Variants in ITPR3 observed in about 807,000 individuals in gnomAD.
ITPR3 encodes the protein inositol 1,4,5-trisphosphate-gated calcium channel ITPR3.
In ITPR3, 173 loss-of-function variants were observed where a neutral mutation model predicts 293.2. That is an observed-to-expected ratio of 0.59 (90% confidence interval 0.52 to 0.67). The LOEUF (loss-of-function observed/expected upper bound fraction) is 0.67, where lower values mean the gene tolerates loss of function less well. Ranked by LOEUF, ITPR3 falls within the 30% of genes least tolerant of loss-of-function variation. The pLI is 0.00. For missense variants in ITPR3, 2,796 were observed against 3,592.1 expected (o/e 0.78, Z 5.66); for synonymous variants, 1,295 against 1,444.4 (o/e 0.90, Z 2.35).
intron 7 of ITPR3, among the ~76,000 whole-genome samples, chr6:33,661,999 A>AAAAC: frequency 7.1e-6 from 1 of 141,528 alleles, no homozygotes; most frequent in Non-Finnish European, 1.5e-5. Context: ...TCTGAAAAAA[A>AAAAC]AAAAAAAAAA....
At chr6:33,681,451 C>G (rs1026548932) in intron 33 of ITPR3, among the ~76,000 whole-genome samples, 11 of 152,196 alleles carry the variant, frequency 7.2e-5, no homozygotes, top group African/African-American at 2.7e-4. Flanking sequence ...AGCAGAAGGG[C>G]TCCAGGCCAG....
chr6:33,638,038 C>T lies in ITPR3; in HGVS notation c.90-2446C>T, dbSNP rs777436436. On this transcript the variant is annotated intron_variant, in intron 1 of 57. Transcript: ENST00000605930. The surrounding 1 kb of genome is among the most constrained non-coding windows in gnomAD (Gnocchi z 4.3). ...TTGTTTTTGTTGAGATGAAGTCTTG[C>T]TCTTTCGCCCAGGCTGAAGTGCAGT... 1.8e-4 allele frequency among the ~76,000 whole-genome samples: 27 copies of T among 151,824 alleles called. No individual in the cohort carries two copies. The highest frequency in any genetic ancestry group is 2.5e-4 in the Non-Finnish European group (17 of 67,974).
intron 2 of ITPR3, 22 bp downstream of exon 2, chr6:33,640,576 C>T (rs752145136): frequency 3.2e-6 from 5 of 1,586,268 alleles, no homozygotes; most frequent in East Asian, 2.2e-5. Flanking sequence ...GCTTCCTCTG[C>T]CCCCGCCCCT....
chr6:33,631,156 T>C (rs1763669500), intron 1 of ITPR3, among the ~76,000 whole-genome samples: 1 of 152,176 alleles, frequency 6.6e-6, no homozygotes. Flanking sequence ...TGGCCAGTTG[T>C]AGGGTCTAGC....
chr6:33,686,363 A>G, intron 42 of ITPR3, 46 bp from the exon 43 acceptor site: 1 of 1,598,200 alleles, frequency 6.3e-7, no homozygotes, highest in Non-Finnish European at 8.6e-7. Context: ...AGCTGCCACT[A>G]TTCTGAGAGG....
rs908718454 is a variant in ITPR3, at chr6:33,658,572, G to A, written c.370-98G>A. ...GTGTCTGACACTATGTGTGCAGCCA[G>A]AATGTGACCAAGGGTCTAGGGGATC... On this transcript the variant is annotated intron_variant, in intron 4 of 57. Coordinates refer to ENST00000605930, the MANE Select transcript of ITPR3 (RefSeq NM_002224.4). The surrounding 1 kb of genome is among the most constrained non-coding windows in gnomAD (Gnocchi z 6.1). The A allele has an allele frequency of 7.1e-7, 1 of 1,411,076 alleles. No individual in the cohort carries two copies. The highest frequency in any genetic ancestry group is 1.4e-5 in the African/African-American group (1 of 70,294). 87.4% of individuals were successfully genotyped at this position (1,411,076 alleles called of 1,614,324 possible).
chr6:33,670,849 G>C lies in ITPR3; in HGVS notation c.2586+34G>C. On this transcript the variant is annotated intron_variant, in intron 20 of 57. Coordinates refer to ENST00000605930, the MANE Select transcript of ITPR3 (RefSeq NM_002224.4). The surrounding 1 kb of genome is among the most constrained non-coding windows in gnomAD (Gnocchi z 6.7). ...GGGAGTGCCCAGGGGCTGGGGGTCC[G>C]TGGAGCTCTTGTTGGCCCCACACTG... The C allele has an allele frequency of 6.2e-7, 1 of 1,605,790 alleles. No individual in the cohort carries two copies.
At chr6:33,637,813 CTT>C (rs56694936) in intron 1 of ITPR3, among the ~76,000 whole-genome samples, 33 of 140,174 alleles carry the variant, frequency 2.4e-4, no homozygotes, top group South Asian at 2.3e-4. Context: ...TTCTTTCTTT[CTT>C]TTTTTTTTTT....
In ITPR3 at chr6:33,680,137, G is replaced by A. The variant is rs1765028079; in HGVS notation, c.4224+4G>A. 3.7e-6 allele frequency: 6 copies of A among 1,610,246 alleles called. No homozygotes were observed. The East Asian group carries it at 1.3e-4, about 36-fold the overall frequency. The stretch of plus-strand genomic sequence containing the variant: ...GCATGAGGACTGCATCACTGAGGTG[G>A]GGATCGGGAGACTGGGCAAGACGGC... On this transcript the variant is annotated splice_donor_region_variant and intron_variant, in intron 31 of 57. Coordinates refer to ENST00000605930, the MANE Select transcript of ITPR3 (RefSeq NM_002224.4).
At chr6:33,671,047 C>G in intron 20 of ITPR3, 118 bp from the exon 21 acceptor site, 4 of 1,505,674 alleles carry the variant, frequency 2.7e-6, no homozygotes, top group Non-Finnish European at 3.6e-6. Flanking sequence ...CTCCTGGGAA[C>G]CCCGTCCTCA....
At chr6:33,673,246 C>T (rs886637551) in intron 22 of ITPR3, among the ~76,000 whole-genome samples, 2 of 152,114 alleles carry the variant, frequency 1.3e-5, no homozygotes, top group African/African-American at 2.4e-5. Context: ...GTTTTTGGAC[C>T]TGGGGGCTTC....
intron 2 of ITPR3, among the ~76,000 whole-genome samples, chr6:33,652,373 C>A (rs1024855086): frequency 2.0e-5 from 3 of 152,218 alleles, no homozygotes; most frequent in African/African-American, 7.2e-5. Context: ...TAACCAGGCC[C>A]TGCCAGCCTG....
intron 2 of ITPR3, among the ~76,000 whole-genome samples, chr6:33,643,485 T>A (rs1403219029): frequency 6.6e-6 from 1 of 152,276 alleles, no homozygotes; most frequent in Non-Finnish European, 1.5e-5. Context: ...AGGCTGCTGA[T>A]GCCCTGCTAT....
intron 1 of ITPR3, among the ~76,000 whole-genome samples, chr6:33,625,730 G>A (rs1238463052): frequency 3.3e-5 from 5 of 152,160 alleles, no homozygotes; most frequent in African/African-American, 1.2e-4. Context: ...ATCATAGTGA[G>A]TAGGAGATGC....
In ITPR3 at chr6:33,683,210, AGGGCC is replaced by A; in HGVS notation, c.4607_4611del (p.Arg1536HisfsTer56). On this transcript the variant is annotated frameshift_variant, in exon 35 of 58. Transcript: ENST00000605930. LOFTEE classifies it high-confidence loss of function. The surrounding 1 kb of genome is among the most constrained non-coding windows in gnomAD (Gnocchi z 4.5). The stretch of plus-strand genomic sequence containing the variant: ...CACTCCCTCCCTTCCCACCCAGCCA[AGGGCC>A]GGGCCATCTTGCTGCCCATGGACCT... 1 of 1,520,784 alleles carries A rather than the reference AGGGCC, an allele frequency of 6.6e-7. No individual in the cohort carries two copies. Among genetic ancestry groups the A allele is most frequent in the Non-Finnish European group, 8.9e-7 (1 of 1,125,098 alleles). The allele number at this position is 1,520,784 out of a possible 1,614,324, so 94.2% of individuals were successfully genotyped here. A position where few individuals can be genotyped will look rare whatever the true frequency, so the allele number is the denominator to read the frequency against.
At chr6:33,668,901 G>C (rs1178745257) in intron 17 of ITPR3, 73 bp from the exon 18 acceptor site, 1 of 1,483,776 alleles carries the variant, frequency 6.7e-7, no homozygotes, top group Admixed American at 1.8e-5. Context: ...GTGTGGCCGG[G>C]TGTGCTCAGG....
In ITPR3 at chr6:33,692,747, G is replaced by A. The variant is rs374113571; in HGVS notation, c.7478G>A (p.Arg2493Gln). The A allele has an allele frequency of 6.2e-6, 10 of 1,613,926 alleles. No homozygotes were observed. In the East Asian group the frequency reaches 1.8e-4, roughly 29 times the overall value. The change falls in exon 55 of 58, where the codon CGA becomes CAA. Residue 2493 changes from arginine to glutamine, a missense_variant. By Grantham distance (43) the Arg-to-Gln change is conservative. Transcript: ENST00000605930. The surrounding 1 kb of genome is among the most constrained non-coding windows in gnomAD (Gnocchi z 4.2). ...PSKDESLFPA[R>Q]VVYDLLFFFI... is the part of the protein sequence containing the mutation. ...CTGCAGGAGTCTCTCTTCCCAGCCC[G>A]AGTGGTCTATGACCTCCTGTTCTTC...
intron 17 of ITPR3, 29 bp from the exon 18 acceptor site, chr6:33,668,945 C>G: frequency 6.2e-7 from 1 of 1,608,834 alleles, no homozygotes. Context: ...GGACCTGGCT[C>G]CCTGTGACAG....
chr6:33,632,632 G>T lies in ITPR3; in HGVS notation c.90-7852G>T, dbSNP rs551502424. Among the ~76,000 whole-genome samples, 3 of 152,228 alleles carry T rather than the reference G, an allele frequency of 2.0e-5. No individual in the cohort carries two copies. The highest frequency in any genetic ancestry group is 2.9e-5 in the Non-Finnish European group (2 of 68,050). The stretch of plus-strand genomic sequence containing the variant: ...AACCAGCTCCTCTCCAGAGGGCCCA[G>T]AACAGCCCTGCCTGCCCACAGGCCT... On this transcript the variant is annotated intron_variant, in intron 1 of 57. Coordinates refer to ENST00000605930, the MANE Select transcript of ITPR3 (RefSeq NM_002224.4). The surrounding 1 kb of genome is among the most constrained non-coding windows in gnomAD (Gnocchi z 4.1).
Sources: allele counts gnomAD v4.1 joint callset (sites outside exome capture counted in the v4.1 genomes callset), GRCh38; gene constraint gnomAD v4.1.1; non-coding constraint Gnocchi (gnomAD v3.1); transcripts MANE v1.5; gene names NCBI Gene and HGNC (gene_info 2026-07-23, HGNC 2026-07-21).